The following BMP6 variants were observed in gnomAD, a reference collection of about 807,000 sequenced individuals.
BMP6 encodes the protein VG-1-R.
A neutral mutation model predicts 54.1 loss-of-function variants in BMP6; 17 were observed. The ratio of observed to expected loss-of-function variants is 0.31; its 90% CI spans 0.22 to 0.47. The LOEUF is 0.47. BMP6 is among the 20% of genes least tolerant of loss of function. BMP6 has a pLI of 1.00. For missense variants in BMP6, 720 were observed against 690.4 expected (o/e 1.04, Z -0.48); for synonymous variants, 328 against 291.2 (o/e 1.13, Z -1.28).
intron 1 of BMP6, among the ~76,000 whole-genome samples, chr6:7,767,074 C>T (rs1458957744): frequency 6.6e-6 from 1 of 151,036 alleles, no homozygotes; most frequent in Non-Finnish European, 1.5e-5. Context: ...GCAAGCTCCA[C>T]CTCCCGGGTT....
At chr6:7,741,892 A>G (rs906573495) in intron 1 of BMP6, among the ~76,000 whole-genome samples, 4 of 152,232 alleles carry the variant, frequency 2.6e-5, no homozygotes, top group African/African-American at 7.2e-5. Context: ...TTCCTATCCT[A>G]TTAAAATGTT....
chr6:7,834,947 T>A (rs960513280), intron 1 of BMP6, among the ~76,000 whole-genome samples: 13 of 152,182 alleles, frequency 8.5e-5, no homozygotes, highest in African/African-American at 3.1e-4. Flanking sequence ...TTTCCAGGAC[T>A]GATGGGAGCT....
At chr6:7,837,216 T>G (rs772592349) in intron 1 of BMP6, among the ~76,000 whole-genome samples, 13 of 152,230 alleles carry the variant, frequency 8.5e-5, no homozygotes, top group Non-Finnish European at 1.8e-4. Flanking sequence ...TTATTTTATC[T>G]TTTGTGTTTG....
intron 1 of BMP6, among the ~76,000 whole-genome samples, chr6:7,844,492 A>T (rs1759028888): frequency 6.6e-6 from 1 of 151,654 alleles, no homozygotes; most frequent in South Asian, 2.1e-4. Flanking sequence ...CACTGCTCAG[A>T]GTCGTGGAGC....
chr6:7,763,940 C>T (rs270374), intron 1 of BMP6, among the ~76,000 whole-genome samples: 108,498 of 152,050 alleles, frequency 0.71, 39,782 homozygotes, highest in Non-Finnish European at 0.81. Flanking sequence ...AGAAAAACTC[C>T]GTTGGATCAA....
chr6:7,788,647 G>A lies in BMP6; in HGVS notation c.665-56493G>A, dbSNP rs148646541. ...CTTTTCTCCTTCATACTTGGAAAAT[G>A]TTCATCATTGTAAAACAAATGGCAG... is the stretch of plus-strand genomic sequence containing the variant. On this transcript the variant is annotated intron_variant, in intron 1 of 6. Coordinates refer to ENST00000283147, the MANE Select transcript of BMP6 (RefSeq NM_001718.6). Among the ~76,000 whole-genome samples, 321 of 152,320 alleles carry A rather than the reference G, an allele frequency of 2.1e-3. 2 individuals are homozygous for A. Among genetic ancestry groups the A allele is most frequent in the African/African-American group, 7.4e-3 (307 of 41,574 alleles).
rs76475872 is a variant in BMP6 at position 7,819,329 on chromosome 6, C to T, written c.665-25811C>T. ...TATACTGGGTATAATTGCATATATA[C>T]TTCATTGTCTCCACAATGAGTTTGT... On this transcript the variant is annotated intron_variant, in intron 1 of 6. Transcript: ENST00000283147. Among the ~76,000 whole-genome samples the T allele has an allele frequency of 3.3e-3, 500 of 152,242 alleles. 3 individuals are homozygous for T. Among genetic ancestry groups the T allele is most frequent in the African/African-American group, 0.011 (477 of 41,540 alleles).
intron 1 of BMP6, among the ~76,000 whole-genome samples, chr6:7,810,904 A>T (rs773149971): frequency 3.3e-5 from 5 of 152,134 alleles, no homozygotes; most frequent in Non-Finnish European, 5.9e-5. Context: ...GTATGACAAC[A>T]GTGGAGTCAG....
chr6:7,880,288 A>G lies in BMP6; in HGVS notation c.1487A>G (p.Asn496Ser). ...ISVLYFDDNS[N>S]VILKKYRNMV... Reference sequence around the variant, plus strand: ...GTTCTTTACTTTGATGACAACTCCAATGTCATTCTGAAAAAATACAGGAAT... The same window carrying G: ...GTTCTTTACTTTGATGACAACTCCAGTGTCATTCTGAAAAAATACAGGAAT... Residue 496 changes from asparagine (N) to serine (S), a missense_variant, in exon 7 of 7, where the codon AAT (asparagine) becomes AGT (serine). By Grantham distance (46) the Asn-to-Ser change is conservative. Coordinates refer to ENST00000283147, the MANE Select transcript of BMP6 (RefSeq NM_001718.6). 1 of 1,614,172 alleles carries G rather than the reference A, an allele frequency of 6.2e-7. No homozygotes were observed. The highest frequency in any genetic ancestry group is 8.5e-7 in the Non-Finnish European group (1 of 1,180,016).
At chr6:7,736,229 G>C (rs1459639899) in intron 1 of BMP6, among the ~76,000 whole-genome samples, 4 of 152,220 alleles carry the variant, frequency 2.6e-5, no homozygotes, top group Non-Finnish European at 5.9e-5. Flanking sequence ...CCCTCAGGCA[G>C]AGATATGAGT....
At chr6:7,856,952 C>T (rs1032629001) in intron 2 of BMP6, among the ~76,000 whole-genome samples, 4 of 152,176 alleles carry the variant, frequency 2.6e-5, no homozygotes, top group Non-Finnish European at 5.9e-5. Context: ...ACTTTGACCC[C>T]GGCATTGTGA....
chr6:7,800,026 C>G (rs1554121679), intron 1 of BMP6, among the ~76,000 whole-genome samples: 1 of 151,464 alleles, frequency 6.6e-6, no homozygotes, highest in Non-Finnish European at 1.5e-5. Flanking sequence ...TTAACTTTAT[C>G]AGGATATCTT....
chr6:7,799,993 C>T (rs1347749346), intron 1 of BMP6, among the ~76,000 whole-genome samples: 4 of 151,964 alleles, frequency 2.6e-5, no homozygotes, highest in South Asian at 2.1e-4. Context: ...TTCTACTGCA[C>T]GGTTCTTTTG....
At chr6:7,862,143 A>C (rs960744471) in intron 3 of BMP6, among the ~76,000 whole-genome samples, 158 bp from the exon 4 acceptor site, 9 of 152,194 alleles carry the variant, frequency 5.9e-5, no homozygotes, top group African/African-American at 1.9e-4. Flanking sequence ...ATGCCATCCC[A>C]TGGGTGCCAG....
intron 4 of BMP6, among the ~76,000 whole-genome samples, chr6:7,868,292 G>T (rs1006649371): frequency 6.6e-6 from 1 of 152,128 alleles, no homozygotes; most frequent in Non-Finnish European, 1.5e-5. Context: ...ACAAAATCTA[G>T]ACTCTGATCA....
At chr6:7,812,322 A>G (rs1340805800) in intron 1 of BMP6, among the ~76,000 whole-genome samples, 2 of 152,234 alleles carry the variant, frequency 1.3e-5, no homozygotes, top group African/African-American at 4.8e-5. Context: ...TCTTAGGAAC[A>G]TTGGCCTAGA....
Position 7,833,107 on chromosome 6 carries a change from A to G in BMP6, c.665-12033A>G, listed in dbSNP as rs549674649. Among the ~76,000 whole-genome samples, 7 of 152,068 alleles carry G rather than the reference A, an allele frequency of 4.6e-5. No individual in the cohort carries two copies. The East Asian group carries it at 1.2e-3, about 25-fold the overall frequency. ...TGAGGCTCTGCATGAGGGCAGTGGT[A>G]GTGAAGGGAGTGGGACCCACTGGGT... On this transcript the variant is annotated intron_variant, in intron 1 of 6. Transcript: ENST00000283147.
At chr6:7,855,537 A>ATCTCTC (rs34465524) in intron 2 of BMP6, among the ~76,000 whole-genome samples, 1 of 100,820 alleles carries the variant, frequency 9.9e-6, no homozygotes, top group Non-Finnish European at 1.9e-5. Flanking sequence ...CTTAATCTCA[A>ATCTCTC]TCTCTCTCTC....
At chr6:7,812,995 G>A (rs1758456837) in intron 1 of BMP6, among the ~76,000 whole-genome samples, 1 of 144,622 alleles carries the variant, frequency 6.9e-6, no homozygotes, top group African/African-American at 2.6e-5. Flanking sequence ...TGCTGGGTCA[G>A]GTGTGATGGC....
Sources: gnomAD v4.1 joint callset for allele counts (sites outside exome capture counted in the v4.1 genomes callset) on GRCh38, gnomAD v4.1.1 for gene constraint, MANE v1.5 for transcripts, NCBI Gene and HGNC (gene_info 2026-07-23, HGNC 2026-07-21) for gene names.